The following MDH2 variants were observed in gnomAD, a reference collection of about 807,000 sequenced individuals.
The protein encoded by MDH2 is malate dehydrogenase 2.
In MDH2, 25 loss-of-function variants were observed where a neutral mutation model predicts 33.6. The ratio of observed to expected loss-of-function variants is 0.74; its 90% CI spans 0.54 to 1.04. MDH2 has a LOEUF of 1.04. Ranked by LOEUF, MDH2 falls within the 50% of genes least tolerant of loss-of-function variation. The probability of loss-of-function intolerance (pLI) is 0.00; values close to 1 mark genes in which losing one functional copy is unlikely to be tolerated. For synonymous variants in MDH2, 193 were observed against 188.7 expected, an observed-to-expected ratio of 1.02 and a Z score of -0.19; for missense variants, 432 against 445.0, an observed-to-expected ratio of 0.97 and a Z score of 0.26.
Position 76,048,110 on chromosome 7 carries a change from C to T in MDH2, c.-51C>T, listed in dbSNP as rs1186889985. 4.6e-6 allele frequency: 7 copies of T among 1,536,522 alleles called. No homozygotes were observed. The highest frequency in any genetic ancestry group is 4.9e-5 in the East Asian group (2 of 40,902). On this transcript the variant is annotated 5_prime_UTR_variant, in exon 1 of 9. Coordinates refer to ENST00000315758, the MANE Select transcript of MDH2 (RefSeq NM_005918.4). Reference sequence around the variant, plus strand: ...AGTGTGGAGGTCGTTGGAGTCACTTCCCCGTCACCAGCTCCTGTGCCTGCC... The same window carrying T: ...AGTGTGGAGGTCGTTGGAGTCACTTTCCCGTCACCAGCTCCTGTGCCTGCC...
chr7:76,054,664 T>G lies in MDH2; in HGVS notation c.67-166T>G, dbSNP rs1319038422. The stretch of plus-strand genomic sequence containing the variant: ...CCCATTTGAAAGTGGACCTTTGGAA[T>G]GAAGGTCCTGAATTCTTCCAGAATG... On this transcript the variant is annotated intron_variant, in intron 1 of 8. Transcript: ENST00000315758. 1.6e-5 allele frequency: 13 copies of G among 799,028 alleles called. No homozygotes were observed. In the East Asian group the frequency reaches 3.2e-4, roughly 20 times the overall value. 49.5% of individuals were successfully genotyped at this position (799,028 alleles called of 1,614,324 possible). A position where few individuals can be genotyped will look rare whatever the true frequency, so the allele number is the denominator to read the frequency against.
chr7:76,064,856 T>G lies in MDH2; in HGVS notation c.788T>G (p.Val263Gly). The G allele has an allele frequency of 6.2e-7, 1 of 1,614,110 alleles. No homozygotes were observed. Among genetic ancestry groups the G allele is most frequent in the Non-Finnish European group, 8.5e-7 (1 of 1,180,024 alleles). The stretch of plus-strand genomic sequence containing the variant: ...GGCGCCCGCTTTGTCTTCTCCCTTG[T>G]GGATGCAATGAATGGAAAGGAAGGT... ...YAGARFVFSL[V>G]DAMNGKEGVV... The change falls in exon 8 of 9, where the codon GTG becomes GGG. Residue 263 changes from valine (V) to glycine (G), a missense_variant. Coordinates refer to ENST00000315758, the MANE Select transcript of MDH2 (RefSeq NM_005918.4).
intron 1 of MDH2, chr7:76,048,608 G>A (rs1797422881): frequency 7.8e-7 from 1 of 1,290,202 alleles, no homozygotes; most frequent in Non-Finnish European, 9.8e-7. Context: ...TAATCTCCTT[G>A]CAGCATCCGT....
At chr7:76,065,529 C>T (rs936602718) in intron 8 of MDH2, among the ~76,000 whole-genome samples, 1 of 152,170 alleles carries the variant, frequency 6.6e-6, no homozygotes, top group Non-Finnish European at 1.5e-5. Flanking sequence ...AGAGATGCTC[C>T]GATACAGAAA....
chr7:76,065,122 A>ACCCT, intron 8 of MDH2, 169 bp downstream of exon 8: 1 of 731,624 alleles, frequency 1.4e-6, no homozygotes, highest in Non-Finnish European at 2.2e-6. Flanking sequence ...AGCTGGGAGG[A>ACCCT]TCACAGACTG....
At chr7:76,059,442 A>G (rs181814627) in intron 4 of MDH2, among the ~76,000 whole-genome samples, 1 of 152,268 alleles carries the variant, frequency 6.6e-6, no homozygotes, top group Non-Finnish European at 1.5e-5. Flanking sequence ...ACACACACAC[A>G]GCCACCCCAG....
intron 1 of MDH2, chr7:76,048,943 A>C (rs1259918955): frequency 1.5e-4 from 146 of 960,750 alleles, no homozygotes; most frequent in Non-Finnish European, 1.7e-4. Flanking sequence ...AGCTAATAAA[A>C]AACAGACGTC....
At chr7:76,059,589 GCTC>G (rs1797884488) in intron 4 of MDH2, among the ~76,000 whole-genome samples, 1 of 152,226 alleles carries the variant, frequency 6.6e-6, no homozygotes, top group African/African-American at 2.4e-5. Flanking sequence ...CCACCTCACT[GCTC>G]CTTCCTGGCG....
chr7:76,064,966 G>A lies in MDH2; in HGVS notation c.885+13G>A. 2 of 1,614,008 alleles carry A rather than the reference G, an allele frequency of 1.2e-6. No individual in the cohort carries two copies. The highest frequency in any genetic ancestry group is 1.7e-6 in the Non-Finnish European group (2 of 1,179,932). On this transcript the variant is annotated intron_variant, in intron 8 of 8. Transcript: ENST00000315758. ...GCTGCTGCTTGGGGTACGTATCCAG[G>A]CGTGGGTCCTTCTGACTGTGGAATA...
Position 76,061,856 on chromosome 7 carries a change from A to G in MDH2, c.555+1358A>G, listed in dbSNP as rs79835336. Among the ~76,000 whole-genome samples, 1,191 of 152,322 alleles carry G rather than the reference A, an allele frequency of 7.8e-3. 34 individuals carry two copies. The highest frequency in any genetic ancestry group is 0.051 in the Admixed American group (786 of 15,304). On this transcript the variant is annotated intron_variant, in intron 5 of 8. Coordinates refer to ENST00000315758, the MANE Select transcript of MDH2 (RefSeq NM_005918.4). ...CCAGGCCCTAGTCCTGCCCTGCACCATAGCTGCCACTAGCTACATTTGGCT... is the reference window on the plus strand; with the variant it reads ...CCAGGCCCTAGTCCTGCCCTGCACCGTAGCTGCCACTAGCTACATTTGGCT...
At chr7:76,059,638 T>C (rs1426276483) in intron 4 of MDH2, among the ~76,000 whole-genome samples, 2 of 152,148 alleles carry the variant, frequency 1.3e-5, no homozygotes, top group Admixed American at 1.3e-4. Context: ...TGAGGATCAA[T>C]TGGGGTGAAG....
rs1797727383 is a variant in MDH2 at position 76,054,994 on chromosome 7, G to GA, written c.234dup (p.Gly79ArgfsTer6). The GA allele has an allele frequency of 6.2e-7, 1 of 1,613,080 alleles. No homozygotes were observed. Among genetic ancestry groups the GA allele is most frequent in the Non-Finnish European group, 8.5e-7 (1 of 1,179,518 alleles). On this transcript the variant is annotated frameshift_variant, in exon 2 of 9. Transcript: ENST00000315758. LOFTEE classifies it high-confidence loss of function. ...GCCACATCGAGACCAAAGCCGCTGT[G>GA]AAAGGTACTGGGCGCGCTGACCCTG... is the stretch of plus-strand genomic sequence containing the variant.
intron 5 of MDH2, 48 bp downstream of exon 5, chr7:76,060,546 C>T (rs782622965): frequency 5.6e-6 from 9 of 1,604,370 alleles, no homozygotes; most frequent in Admixed American, 1.7e-5. Flanking sequence ...GAACTTCTCC[C>T]GCCACCCGTG....
chr7:76,054,655 C>T, intron 1 of MDH2, 175 bp from the exon 2 acceptor site: 2 of 754,094 alleles, frequency 2.7e-6, no homozygotes, highest in South Asian at 3.2e-5. Context: ...TGAAAGTGGA[C>T]CTTTGGAATG....
At chr7:76,057,277 A>G in intron 2 of MDH2, 133 bp from the exon 3 acceptor site, 1 of 810,226 alleles carries the variant, frequency 1.2e-6, no homozygotes, top group African/African-American at 1.7e-5. Context: ...TCGTCAACAG[A>G]AGGAAGTCAC....
intron 4 of MDH2, among the ~76,000 whole-genome samples, chr7:76,059,340 C>G (rs1269899396): frequency 2.0e-5 from 3 of 152,220 alleles, no homozygotes; most frequent in Non-Finnish European, 2.9e-5. Context: ...GAAAGTGAAA[C>G]CATGGATAAG....
At chr7:76,056,857 AC>A (rs1797801042) in intron 2 of MDH2, among the ~76,000 whole-genome samples, 1 of 152,122 alleles carries the variant, frequency 6.6e-6, no homozygotes, top group African/African-American at 2.4e-5. Flanking sequence ...TACTAAAAAT[AC>A]AAAAATTAGC....
chr7:76,050,244 G>C (rs1554585221), intron 1 of MDH2, among the ~76,000 whole-genome samples: 6 of 152,216 alleles, frequency 3.9e-5, no homozygotes, highest in Non-Finnish European at 8.8e-5. Context: ...TGGCCAGGCT[G>C]GTCTCAAACT....
At chr7:76,053,438 A>G (rs1354345026) in intron 1 of MDH2, among the ~76,000 whole-genome samples, 2 of 152,214 alleles carry the variant, frequency 1.3e-5, no homozygotes, top group Non-Finnish European at 2.9e-5. Context: ...GACAGGTTCA[A>G]GTTTCCAGGC....
Sources: gnomAD v4.1 joint callset for allele counts (sites outside exome capture counted in the v4.1 genomes callset) on GRCh38, gnomAD v4.1.1 for gene constraint, MANE v1.5 for transcripts, NCBI Gene and HGNC (gene_info 2026-07-23, HGNC 2026-07-21) for gene names.